Variants in DRC11 observed in about 807,000 individuals in gnomAD.
DRC11 encodes the protein dynein regulatory complex subunit 11.
At chr2:236,455,676 C>G in the DRC11 span, among the ~76,000 whole-genome samples, 1 of 152,212 alleles carries the variant, frequency 6.6e-6, no homozygotes, top group African/African-American at 2.4e-5. This position sits in a 1 kb window ranked among gnomAD's most constrained non-coding sequence, Gnocchi z 5.7. Context: ...CCAGGTCCCA[C>G]AAGCCTTCGA....
At chr2:236,377,007 A>T in the DRC11 span, 1 of 874,972 alleles carries the variant, frequency 1.1e-6, no homozygotes, top group Non-Finnish European at 1.8e-6. This position sits in a 1 kb window ranked among gnomAD's most constrained non-coding sequence, Gnocchi z 4.9. Context: ...TTTGGCTTGA[A>T]CAAAAATGTA....
At chr2:236,355,418 C>T in the DRC11 span, among the ~76,000 whole-genome samples, 1 of 152,248 alleles carries the variant, frequency 6.6e-6, no homozygotes, top group African/African-American at 2.4e-5. Context: ...AAAGGTTCTG[C>T]AGCCTATGTG....
chr2:236,375,598 T>C, the DRC11 span, among the ~76,000 whole-genome samples: 2 of 152,184 alleles, frequency 1.3e-5, no homozygotes, highest in African/African-American at 4.8e-5. The surrounding 1 kb of genome is among the most constrained non-coding windows in gnomAD (Gnocchi z 4.2). Context: ...TGAGGGCTCC[T>C]TTAAGCCCTC....
the DRC11 span, among the ~76,000 whole-genome samples, chr2:236,399,999 G>A: frequency 2.0e-5 from 3 of 152,134 alleles, no homozygotes; most frequent in African/African-American, 7.2e-5. This position sits in a 1 kb window ranked among gnomAD's most constrained non-coding sequence, Gnocchi z 7.0. Context: ...TTATAGGCCT[G>A]AGCCACCACA....
chr2:236,358,044 T>A, the DRC11 span, among the ~76,000 whole-genome samples: 1 of 119,174 alleles, frequency 8.4e-6, no homozygotes, highest in South Asian at 2.6e-4. Context: ...ATATTTATAA[T>A]ATATAGATAT....
At chr2:236,352,953 CT>C in the DRC11 span, among the ~76,000 whole-genome samples, 1 of 152,292 alleles carries the variant, frequency 6.6e-6, no homozygotes, top group African/African-American at 2.4e-5. This position sits in a 1 kb window ranked among gnomAD's most constrained non-coding sequence, Gnocchi z 7.0. Context: ...TTTATGCGTA[CT>C]GTCACACTGC....
At chr2:236,384,493 C>G in the DRC11 span, among the ~76,000 whole-genome samples, 1 of 152,182 alleles carries the variant, frequency 6.6e-6, no homozygotes, top group Non-Finnish European at 1.5e-5. Context: ...ATGTCCTTCA[C>G]CCACTTTTTG....
the DRC11 span, among the ~76,000 whole-genome samples, chr2:236,494,245 A>T: frequency 6.6e-6 from 1 of 152,252 alleles, no homozygotes; most frequent in Non-Finnish European, 1.5e-5. The surrounding 1 kb of genome is among the most constrained non-coding windows in gnomAD (Gnocchi z 4.2). Flanking sequence ...TAAAGTATTA[A>T]GCTGTAGAGA....
chr2:236,417,953 C>A, the DRC11 span, among the ~76,000 whole-genome samples: 1 of 152,104 alleles, frequency 6.6e-6, no homozygotes, highest in Non-Finnish European at 1.5e-5. Flanking sequence ...GTATATGTGC[C>A]ACATTTTCTT....
the DRC11 span, among the ~76,000 whole-genome samples, chr2:236,469,703 A>G: frequency 6.6e-6 from 1 of 152,216 alleles, no homozygotes; most frequent in Admixed American, 6.5e-5. This position sits in a 1 kb window ranked among gnomAD's most constrained non-coding sequence, Gnocchi z 5.8. Flanking sequence ...AGGTTATAAC[A>G]TATTTAGGTC....
At chr2:236,402,840 G>A in the DRC11 span, among the ~76,000 whole-genome samples, 23 of 152,314 alleles carry the variant, frequency 1.5e-4, no homozygotes, top group South Asian at 4.8e-3. This position sits in a 1 kb window ranked among gnomAD's most constrained non-coding sequence, Gnocchi z 6.0. Flanking sequence ...AGTGGATAAA[G>A]CAAGGCCTGG....
At chr2:236,402,414 T>G in the DRC11 span, among the ~76,000 whole-genome samples, 1 of 152,218 alleles carries the variant, frequency 6.6e-6, no homozygotes, top group African/African-American at 2.4e-5. This position sits in a 1 kb window ranked among gnomAD's most constrained non-coding sequence, Gnocchi z 6.0. Flanking sequence ...TGCATTTTGC[T>G]TTGAGTCCAC....
chr2:236,476,718 C>T, the DRC11 span, among the ~76,000 whole-genome samples: 146 of 151,238 alleles, frequency 9.7e-4, 1 homozygote, highest in South Asian at 2.3e-3. The surrounding 1 kb of genome is among the most constrained non-coding windows in gnomAD (Gnocchi z 4.7). Context: ...TGGTGAATGA[C>T]CTTTCTTTTT....
chr2:236,496,393 A>G, the DRC11 span, among the ~76,000 whole-genome samples: 1 of 152,192 alleles, frequency 6.6e-6, no homozygotes, highest in Admixed American at 6.5e-5. The surrounding 1 kb of genome is among the most constrained non-coding windows in gnomAD (Gnocchi z 6.3). Context: ...TCTCCTTTCG[A>G]TTTTACTTCA....
chr2:236,387,720 T>G, the DRC11 span, among the ~76,000 whole-genome samples: 66 of 152,068 alleles, frequency 4.3e-4, no homozygotes, highest in African/African-American at 1.6e-3. Context: ...GTTAGCTGGT[T>G]ATTTTGCTCG....
At chr2:236,456,311 T>A in the DRC11 span, among the ~76,000 whole-genome samples, 1 of 151,736 alleles carries the variant, frequency 6.6e-6, no homozygotes, top group African/African-American at 2.4e-5. This position sits in a 1 kb window ranked among gnomAD's most constrained non-coding sequence, Gnocchi z 5.4. Context: ...CACAGAGAGG[T>A]TAAGAAACTG....
At chr2:236,345,493 TC>T in the DRC11 span, among the ~76,000 whole-genome samples, 1 of 152,170 alleles carries the variant, frequency 6.6e-6, no homozygotes, top group African/African-American at 2.4e-5. Context: ...CTCTGGCCGT[TC>T]CCGGGTTTAT....
At chr2:236,405,070 T>C in the DRC11 span, among the ~76,000 whole-genome samples, 5 of 152,172 alleles carry the variant, frequency 3.3e-5, no homozygotes, top group Admixed American at 1.3e-4. The surrounding 1 kb of genome is among the most constrained non-coding windows in gnomAD (Gnocchi z 4.6). Context: ...CACCACCACA[T>C]TGGTGATTAG....
At chr2:236,337,108 G>T in the DRC11 span, among the ~76,000 whole-genome samples, 3 of 152,150 alleles carry the variant, frequency 2.0e-5, no homozygotes, top group African/African-American at 7.2e-5. The surrounding 1 kb of genome is among the most constrained non-coding windows in gnomAD (Gnocchi z 4.9). Context: ...CCAGTCACAT[G>T]CGCGAGCGAT....
Sources: gnomAD v4.1 joint callset for allele counts (sites outside exome capture counted in the v4.1 genomes callset) on GRCh38, gnomAD v4.1.1 for gene constraint, Gnocchi (gnomAD v3.1) non-coding constraint, MANE v1.5 for transcripts, NCBI Gene and HGNC (gene_info 2026-07-23, HGNC 2026-07-21) for gene names.